The following THAP7 variants were observed in gnomAD, a reference collection of about 807,000 sequenced individuals.
THAP7 encodes THAP domain containing 7.
THAP7 carries 22 observed loss-of-function variants against 29.2 expected under a neutral mutation model. That is an observed-to-expected ratio of 0.75 (90% CI 0.54 to 1.08). The LOEUF (loss-of-function observed/expected upper bound fraction) is 1.08. Ranked by LOEUF, THAP7 falls within the 50% of genes least tolerant of loss-of-function variation. The pLI is 0.00. For synonymous variants in THAP7, 208 were observed against 173.4 expected, an observed-to-expected ratio of 1.20 and a Z score of -1.57; for missense variants, 448 against 416.2, an observed-to-expected ratio of 1.08 and a Z score of -0.66.
chr22:21,001,535 C>G (rs1202942735), intron 1 of THAP7, 124 bp from the exon 2 acceptor site: 4 of 1,414,006 alleles, frequency 2.8e-6, no homozygotes, highest in Non-Finnish European at 3.8e-6. Context: ...GCGACCCCGC[C>G]GGGTAAGCAC....
Position 20,999,917 on chromosome 22 carries a change from T to A in THAP7, c.893A>T (p.Gln298Leu). ...DARQTLKEHV[Q>L]DFAMQLSSSM... Reference sequence around the variant, plus strand: ...GCTGCTCAGCTGCATGGCAAAGTCCTGCACATGCTCCTTCAGAGTCTGGCG... The same window carrying A: ...GCTGCTCAGCTGCATGGCAAAGTCCAGCACATGCTCCTTCAGAGTCTGGCG... Residue 298 changes from glutamine (Q) to leucine (L), a missense_variant, in exon 4 of 4, where the codon CAG becomes CTG. Physicochemically the swap from Gln to Leu is moderately radical, Grantham distance 113. Transcript: ENST00000215742. 2.5e-6 allele frequency: 4 copies of A among 1,611,178 alleles called. No individual in the cohort carries two copies. Among genetic ancestry groups the A allele is most frequent in the Non-Finnish European group, 3.4e-6 (4 of 1,179,956 alleles).
In THAP7 at chr22:21,000,680, G is replaced by A. The variant is rs753446832; in HGVS notation, c.344C>T (p.Ala115Val). 4 of 1,614,172 alleles carry A rather than the reference G, an allele frequency of 2.5e-6. No homozygotes were observed. The highest frequency in any genetic ancestry group is 1.6e-4 in the Middle Eastern group (1 of 6,062). ...GCATCGTCTGAGCCGGCTGACTTCA[G>A]CGGGGCCAGGTGGGTAACTGTGTCC... is the stretch of plus-strand genomic sequence containing the variant. ...TKGHSYPPGP[A>V]EVSRLRRCRK... is the part of the protein sequence containing the mutation. Residue 115 changes from alanine to valine, a missense_variant, in exon 3 of 4, where the codon GCT becomes GTT. By Grantham distance (64) the Ala-to-Val change is moderately conservative. Transcript: ENST00000215742.
Position 21,000,699 on chromosome 22 carries a change from T to A in THAP7, c.325A>T (p.Ser109Cys). 6.2e-7 allele frequency: 1 copy of A among 1,614,178 alleles called. No homozygotes were observed. The change falls in exon 3 of 4, where the codon AGT becomes TGT. Residue 109 changes from serine (S) to cysteine (C), a missense_variant. Coordinates refer to ENST00000215742, the MANE Select transcript of THAP7 (RefSeq NM_030573.3). The stretch of plus-strand genomic sequence containing the variant: ...ACTTCAGCGGGGCCAGGTGGGTAAC[T>A]GTGTCCTTTGGTCTTGGTTGTCCGG... The part of the protein sequence containing the change: ...LRRTTKTKGH[S>C]YPPGPAEVSR...
rs752530771 is a variant in THAP7, at chr22:21,000,145, G to A, written c.665C>T (p.Ala222Val). Residue 222 changes from alanine to valine, a missense_variant, in exon 4 of 4, where the codon GCC (alanine) becomes GTC (valine). By Grantham distance (64) the Ala-to-Val change is moderately conservative (BLOSUM62 0). Transcript: ENST00000215742. ...GTGTTCATTCTGGATGTAGGCTCCG[G>A]CGGGTGGGGGCAGGCGCAGCATATA... Reference protein sequence around the residue: ...SAYMLRLPPPAGAYIQNEHSY... With the variant: ...SAYMLRLPPPVGAYIQNEHSY... 1.0e-4 allele frequency: 167 copies of A among 1,598,938 alleles called. No homozygotes were observed. The highest frequency in any genetic ancestry group is 1.4e-4 in the Non-Finnish European group (162 of 1,173,304).
chr22:21,001,318 G>C lies in THAP7; in HGVS notation c.174C>G (p.Ser58=). 6.2e-7 allele frequency: 1 copy of C among 1,614,140 alleles called. No individual in the cohort carries two copies. ...GTTTGGAGCAGAAGTAGATGTACTC[G>C]GATGCCGGGTCCCACAGGCCCTGGC... ...PSGQGLWDPA[S]EYIYFCSKHF... The change falls in exon 2 of 4, where the codon TCC becomes TCG. Residue 58 remains serine (S), a synonymous_variant. Transcript: ENST00000215742.
chr22:20,999,714 G>T lies in THAP7; in HGVS notation c.*166C>A. ...TCTAGGAGCTGCAGCCACTGTCTGG[G>T]GCAGCAAGCTTAGTACTCAGAGGGG... On this transcript the variant is annotated 3_prime_UTR_variant, in exon 4 of 4. Transcript: ENST00000215742. The T allele has an allele frequency of 3.9e-6, 3 of 771,336 alleles. No homozygotes were observed. Among genetic ancestry groups the T allele is most frequent in the South Asian group, 3.7e-5 (2 of 53,758 alleles). The allele number at this position is 771,336 out of a possible 1,614,324, so 47.8% of individuals were successfully genotyped here. A position where few individuals can be genotyped will look rare whatever the true frequency, so the allele number is the denominator to read the frequency against.
chr22:21,001,113 G>C (rs1264112115), intron 2 of THAP7, 143 bp downstream of exon 2: 1 of 1,212,632 alleles, frequency 8.2e-7, no homozygotes, highest in Admixed American at 2.3e-5. Context: ...TGATCCTGGG[G>C]GTGGGTTTCA....
In THAP7 at chr22:21,000,188, G is replaced by GC; in HGVS notation, c.621dup (p.Pro208AlafsTer22). ...AGCATATACGCTGAGGGGGAGACTGGCCGTGGTTCGAGAGGGGAGGGCTGC... is the reference window on the plus strand; with the variant it reads ...AGCATATACGCTGAGGGGGAGACTGGCCCGTGGTTCGAGAGGGGAGGGCTGC... On this transcript the variant is annotated frameshift_variant, in exon 4 of 4. Coordinates refer to ENST00000215742, the MANE Select transcript of THAP7 (RefSeq NM_030573.3). LOFTEE classifies it high-confidence loss of function. 2 of 1,561,990 alleles carry GC rather than the reference G, an allele frequency of 1.3e-6. No individual in the cohort carries two copies. The highest frequency in any genetic ancestry group is 1.7e-6 in the Non-Finnish European group (2 of 1,153,344).
chr22:20,999,953 T>C lies in THAP7; in HGVS notation c.857A>G (p.Gln286Arg), dbSNP rs200305591. The C allele has an allele frequency of 8.7e-6, 14 of 1,612,444 alleles. No homozygotes were observed. The African/African-American group carries it at 1.1e-4, about 12-fold the overall frequency. The change falls in exon 4 of 4, where the codon CAG becomes CGG. Residue 286 changes from glutamine to arginine, a missense_variant. Gln to Arg is a conservative substitution (Grantham distance 43). Transcript: ENST00000215742. ...CTTCAGAGTCTGGCGGGCATCTGCC[T>C]GTGCCCGCTTCTCCCGTGCCCGCTC... ...QQERAREKRA[Q>R]ADARQTLKEH... is the part of the protein sequence containing the mutation.
In THAP7 at chr22:21,000,566, G is replaced by T. The variant is rs568560366; in HGVS notation, c.377+81C>A. The T allele has an allele frequency of 3.1e-6, 5 of 1,596,714 alleles. No individual in the cohort carries two copies. The South Asian group carries it at 4.5e-5, about 14-fold the overall frequency. ...CTGTGTAGCAAGAACCCTGTCCAGC[G>T]AGACTGCTGGCAGACACCCCTAGGG... On this transcript the variant is annotated intron_variant, in intron 3 of 3. Coordinates refer to ENST00000215742, the MANE Select transcript of THAP7 (RefSeq NM_030573.3).
chr22:21,001,144 GA>G, intron 2 of THAP7, 111 bp downstream of exon 2: 1 of 1,475,314 alleles, frequency 6.8e-7, no homozygotes, highest in Non-Finnish European at 9.2e-7. Flanking sequence ...CTGGGAACAG[GA>G]AACAGCCCCC....
chr22:21,000,462 G>A, intron 3 of THAP7, 30 bp from the exon 4 acceptor site: 1 of 1,541,004 alleles, frequency 6.5e-7, no homozygotes, highest in Non-Finnish European at 8.7e-7. Flanking sequence ...AGACTGATGG[G>A]CTAGGCTGAG....
chr22:21,002,083 C>G lies in THAP7; in HGVS notation c.-172G>C. 3 of 622,270 alleles carry G rather than the reference C, an allele frequency of 4.8e-6. No individual in the cohort carries two copies. The East Asian group carries it at 9.6e-5, about 20-fold the overall frequency. 38.5% of individuals were successfully genotyped at this position (622,270 alleles called of 1,614,324 possible). ...TCTCTTGACTTCTGTCAGCGGCACT[C>G]ACGCTCTGGCCATTGCTGCGCCGCC... On this transcript the variant is annotated 5_prime_UTR_variant, in exon 1 of 4. The change abolishes the stop of an existing upstream ORF in the 5' untranslated region. Transcript: ENST00000215742.
rs890555639 is a variant in THAP7, at chr22:20,999,763, C to A, written c.*117G>T. 5.5e-6 allele frequency: 7 copies of A among 1,267,020 alleles called. No individual in the cohort carries two copies. In the African/African-American group the frequency reaches 9.0e-5, roughly 16 times the overall value. 78.5% of individuals were successfully genotyped at this position (1,267,020 alleles called of 1,614,324 possible). On this transcript the variant is annotated 3_prime_UTR_variant, in exon 4 of 4. Coordinates refer to ENST00000215742, the MANE Select transcript of THAP7 (RefSeq NM_030573.3). Reference sequence around the variant, plus strand: ...GGCTCCAGCCCCCAGCTGAGCCAGACAGCAGGCCCTCCGTCTAGAATCCGC... The same window carrying A: ...GGCTCCAGCCCCCAGCTGAGCCAGAAAGCAGGCCCTCCGTCTAGAATCCGC...
chr22:21,001,713 C>T (rs1925176477), intron 1 of THAP7, 119 bp downstream of exon 1: 1 of 1,159,244 alleles, frequency 8.6e-7, no homozygotes, highest in Non-Finnish European at 1.2e-6. Context: ...TCACCTCCCA[C>T]CCACAGGTTC....
intron 2 of THAP7, 67 bp from the exon 3 acceptor site, chr22:21,000,854 A>G (rs1925125323): frequency 6.2e-7 from 1 of 1,602,594 alleles, no homozygotes; most frequent in Non-Finnish European, 8.5e-7. Context: ...ATCTGCCCCC[A>G]GCAGCAGCGC....
chr22:21,000,288 G>A lies in THAP7; in HGVS notation c.522C>T (p.Pro174=), dbSNP rs1480343990. Reference sequence around the variant, plus strand: ...CCAAGGGGCCCAGTAGGTCTGAAAAGGGGCTGCTAAGGCCAGGCTCCAGCC... The same window carrying A: ...CCAAGGGGCCCAGTAGGTCTGAAAAAGGGCTGCTAAGGCCAGGCTCCAGCC... ...AGRLEPGLSS[P]FSDLLGPLGA... is the part of the protein sequence containing the mutation. The change falls in exon 4 of 4, where the codon CCC becomes CCT. Residue 174 remains proline (P), a synonymous_variant. Transcript: ENST00000215742. 2.6e-6 allele frequency: 4 copies of A among 1,557,200 alleles called. No individual in the cohort carries two copies. The highest frequency in any genetic ancestry group is 3.5e-6 in the Non-Finnish European group (4 of 1,150,706).
chr22:21,000,762 C>T lies in THAP7; in HGVS notation c.262G>A (p.Ala88Thr). The stretch of plus-strand genomic sequence containing the variant: ...AAAGACTCAAATATGGTGGGGACTG[C>T]CCCCTCCTTTAGCCTGTGATATCCA... ...ISGYHRLKEG[A>T]VPTIFESFSK... Residue 88 changes from alanine (A) to threonine (T), a missense_variant, in exon 3 of 4, where the codon GCA (alanine) becomes ACA (threonine). By Grantham distance (58) the Ala-to-Thr change is moderately conservative. Transcript: ENST00000215742. 6.2e-7 allele frequency: 1 copy of T among 1,614,204 alleles called. No individual in the cohort carries two copies. The highest frequency in any genetic ancestry group is 8.5e-7 in the Non-Finnish European group (1 of 1,180,026).
At position 21,001,963 on chromosome 22, in the gene THAP7, G is replaced by C; in HGVS notation, c.-52C>G. The C allele has an allele frequency of 6.7e-7, 1 of 1,495,508 alleles. No homozygotes were observed. The highest frequency in any genetic ancestry group is 1.3e-5 in the South Asian group (1 of 77,952). The allele number at this position is 1,495,508 out of a possible 1,614,324, so 92.6% of individuals were successfully genotyped here. A position where few individuals can be genotyped will look rare whatever the true frequency, so the allele number is the denominator to read the frequency against. On this transcript the variant is annotated 5_prime_UTR_variant, in exon 1 of 4. Transcript: ENST00000215742. ...CAAGCGGCTCTCCGGGCATCCGGAG[G>C]AGCCTCGCGCCTCCAGCCGCCGCTC...
Sources: gnomAD v4.1 joint callset for allele counts on GRCh38, gnomAD v4.1.1 for gene constraint, MANE v1.5 for transcripts, NCBI Gene and HGNC (gene_info 2026-07-23, HGNC 2026-07-21) for gene names.